The following GPC5 variants were observed in gnomAD, a reference collection of about 807,000 sequenced individuals.
GPC5 encodes glypican-5.
GPC5 carries 47 observed loss-of-function variants against 53.9 expected under a neutral mutation model. The ratio of observed to expected loss-of-function variants is 0.87; its 90% CI spans 0.69 to 1.11. The LOEUF is 1.11. Ranked by LOEUF, GPC5 falls within the 50% of genes most tolerant of loss-of-function variation. The pLI, the probability that GPC5 is intolerant of heterozygous loss-of-function variation, is 0.00. For missense variants in GPC5, 748 were observed against 713.1 expected (o/e 1.05, Z -0.56); for synonymous variants, 286 against 263.3 (o/e 1.09, Z -0.84).
At chr13:92,394,833 T>A (rs1875185508) in intron 7 of GPC5, among the ~76,000 whole-genome samples, 1 of 152,226 alleles carries the variant, frequency 6.6e-6, no homozygotes, top group South Asian at 2.1e-4. Flanking sequence ...TTAAATAGTG[T>A]TAGTTTATGG....
At chr13:91,442,010 G>A (rs1880470858) in intron 1 of GPC5, among the ~76,000 whole-genome samples, 1 of 152,160 alleles carries the variant, frequency 6.6e-6, no homozygotes, top group African/African-American at 2.4e-5. Flanking sequence ...AATCCTGTAA[G>A]TTCACTAGAG....
chr13:91,794,697 G>T (rs1381072383), intron 5 of GPC5, among the ~76,000 whole-genome samples: 1 of 152,194 alleles, frequency 6.6e-6, no homozygotes, highest in African/African-American at 2.4e-5. Flanking sequence ...CTAACGTCTA[G>T]CAAGTGAGTC....
At chr13:92,713,545 T>A (rs1888218844) in intron 7 of GPC5, among the ~76,000 whole-genome samples, 2 of 151,048 alleles carry the variant, frequency 1.3e-5, no homozygotes, top group East Asian at 3.9e-4. Context: ...GAGGCAGAGC[T>A]TGCAGTGAGC....
chr13:92,595,162 A>C (rs550637661), intron 7 of GPC5, among the ~76,000 whole-genome samples: 23 of 152,314 alleles, frequency 1.5e-4, no homozygotes, highest in African/African-American at 5.3e-4. Flanking sequence ...GTTCTTTGTA[A>C]GTAAACTGTC....
intron 1 of GPC5, among the ~76,000 whole-genome samples, chr13:91,447,526 G>A (rs533227725): frequency 1.3e-5 from 2 of 152,160 alleles, no homozygotes; most frequent in South Asian, 2.1e-4. Flanking sequence ...AGCCAAAATC[G>A]TTAGAGATTT....
At chr13:92,778,434 A>G (rs1452736234) in intron 7 of GPC5, among the ~76,000 whole-genome samples, 4 of 152,220 alleles carry the variant, frequency 2.6e-5, no homozygotes, top group Non-Finnish European at 4.4e-5. Flanking sequence ...TAAAAATTTA[A>G]TTAAATTCTT....
intron 7 of GPC5, among the ~76,000 whole-genome samples, chr13:92,744,053 G>T (rs1848972184): frequency 6.6e-6 from 1 of 152,034 alleles, no homozygotes; most frequent in Non-Finnish European, 1.5e-5. Flanking sequence ...AAAGAATTGG[G>T]AAGGGAATTG....
chr13:92,589,168 T>C (rs2139064734), intron 7 of GPC5, among the ~76,000 whole-genome samples: 1 of 152,352 alleles, frequency 6.6e-6, no homozygotes, highest in Admixed American at 6.5e-5. Context: ...AACGATGTTC[T>C]GTTCCCATGA....
intron 6 of GPC5, among the ~76,000 whole-genome samples, chr13:91,922,011 A>G (rs898934047): frequency 2.0e-5 from 3 of 152,116 alleles, no homozygotes; most frequent in East Asian, 1.9e-4. Flanking sequence ...TGCCAAAACT[A>G]TAATATGGGT....
At chr13:92,465,464 C>T (rs907742238) in intron 7 of GPC5, among the ~76,000 whole-genome samples, 1 of 152,028 alleles carries the variant, frequency 6.6e-6, no homozygotes, top group African/African-American at 2.4e-5. Flanking sequence ...ACTTGACTTA[C>T]AGCGTTTATA....
At chr13:92,813,851 G>A (rs761110416) in intron 7 of GPC5, among the ~76,000 whole-genome samples, 2 of 152,002 alleles carry the variant, frequency 1.3e-5, no homozygotes, top group Non-Finnish European at 2.9e-5. Flanking sequence ...TGGAATTCAA[G>A]TCATAATCTC....
chr13:91,774,396 C>T (rs1388568380), intron 5 of GPC5, among the ~76,000 whole-genome samples: 2 of 152,138 alleles, frequency 1.3e-5, no homozygotes, highest in African/African-American at 4.8e-5. Context: ...TGGGTGCCTA[C>T]TGTGTGTGAG....
intron 1 of GPC5, among the ~76,000 whole-genome samples, chr13:91,435,083 T>G (rs1026309146): frequency 1.3e-5 from 2 of 152,202 alleles, no homozygotes; most frequent in African/African-American, 2.4e-5. Flanking sequence ...TAAGGAGATT[T>G]TGGGCTGAGA....
intron 7 of GPC5, among the ~76,000 whole-genome samples, chr13:92,225,794 T>A (rs2042481530): frequency 6.6e-6 from 1 of 152,212 alleles, no homozygotes; most frequent in African/African-American, 2.4e-5. Context: ...GGCCCAGTTT[T>A]ATGTCTTTTT....
chr13:92,663,659 TA>T (rs1886433799), intron 7 of GPC5, among the ~76,000 whole-genome samples: 3 of 142,364 alleles, frequency 2.1e-5, no homozygotes, highest in African/African-American at 7.8e-5. Context: ...ATACTATATA[TA>T]TATACTATAT....
intron 1 of GPC5, among the ~76,000 whole-genome samples, chr13:91,432,221 G>C (rs1360842642): frequency 3.9e-4 from 54 of 137,022 alleles, no homozygotes; most frequent in Admixed American, 2.4e-3. Flanking sequence ...GTGTGTGTGT[G>C]TGTGTGTGTG....
intron 7 of GPC5, among the ~76,000 whole-genome samples, chr13:92,348,494 A>G (rs2139263257): frequency 6.6e-6 from 1 of 152,298 alleles, no homozygotes; most frequent in African/African-American, 2.4e-5. Context: ...AGACTTTAAT[A>G]TATCACTTTT....
chr13:92,561,330 C>T (rs986794929), intron 7 of GPC5, among the ~76,000 whole-genome samples: 2 of 151,940 alleles, frequency 1.3e-5, no homozygotes, highest in Admixed American at 1.3e-4. Flanking sequence ...TCAATACAGG[C>T]AGTATAGGTA....
intron 6 of GPC5, among the ~76,000 whole-genome samples, chr13:92,114,902 T>A (rs1388023792): frequency 1.3e-5 from 2 of 151,116 alleles, no homozygotes; most frequent in African/African-American, 4.9e-5. Flanking sequence ...CGTTCTTGAG[T>A]TTTAAGATAA....
Sources: allele counts gnomAD v4.1 joint callset (sites outside exome capture counted in the v4.1 genomes callset), GRCh38; gene constraint gnomAD v4.1.1; transcripts MANE v1.5; gene names NCBI Gene and HGNC (gene_info 2026-07-23, HGNC 2026-07-21).